NR3C2: variants seen among roughly 807,000 people sequenced by gnomAD.
NR3C2 encodes the protein nuclear receptor subfamily 3 group C member 2.
In NR3C2, 15 loss-of-function variants were observed where a neutral mutation model predicts 86.4. That is an observed-to-expected ratio of 0.17 (90% CI 0.12 to 0.27). NR3C2 has a LOEUF of 0.27. Among genes scored for constraint, NR3C2 ranks in the 10% least tolerant of loss-of-function variants. The pLI, the probability that NR3C2 is intolerant of heterozygous loss-of-function variation, is 1.00. For synonymous variants in NR3C2, 458 were observed against 450.5 expected, an observed-to-expected ratio of 1.02 and a Z score of -0.21; for missense variants, 960 against 1,195.6, an observed-to-expected ratio of 0.80 and a Z score of 2.91.
At chr4:148,218,030 G>T (rs1036766339) in intron 3 of NR3C2, among the ~76,000 whole-genome samples, 1 of 152,130 alleles carries the variant, frequency 6.6e-6, no homozygotes, top group African/African-American at 2.4e-5. Flanking sequence ...TAGTTTTGTT[G>T]TCTTGTTTTA....
intron 2 of NR3C2, among the ~76,000 whole-genome samples, chr4:148,395,741 C>T (rs1007853932): frequency 3.9e-5 from 6 of 152,134 alleles, no homozygotes; most frequent in Non-Finnish European, 8.8e-5. Context: ...GACAAGATAA[C>T]AGCCCCAAAG....
At chr4:148,318,139 T>C (rs1399441090) in intron 2 of NR3C2, among the ~76,000 whole-genome samples, 2 of 151,420 alleles carry the variant, frequency 1.3e-5, no homozygotes, top group Non-Finnish European at 2.9e-5. Flanking sequence ...GGTTTTTTGT[T>C]CTTGCCATAG....
intron 3 of NR3C2, among the ~76,000 whole-genome samples, chr4:148,247,624 T>G (rs1357627770): frequency 6.6e-6 from 1 of 151,170 alleles, no homozygotes; most frequent in Non-Finnish European, 1.5e-5. Flanking sequence ...GAATCTAGTA[T>G]CCGTGGGCCT....
At chr4:148,214,164 T>C (rs1210209646) in intron 3 of NR3C2, among the ~76,000 whole-genome samples, 1 of 152,210 alleles carries the variant, frequency 6.6e-6, no homozygotes, top group East Asian at 1.9e-4. Context: ...TGTAAAAGTA[T>C]AGTCTACCTA....
chr4:148,146,243 G>C (rs533500249), intron 6 of NR3C2, among the ~76,000 whole-genome samples: 3 of 152,244 alleles, frequency 2.0e-5, no homozygotes, highest in African/African-American at 4.8e-5. Flanking sequence ...TCCAGGCACA[G>C]AAGTCACCTC....
chr4:148,338,850 C>T (rs1744617472), intron 2 of NR3C2, among the ~76,000 whole-genome samples: 1 of 152,102 alleles, frequency 6.6e-6, no homozygotes, highest in African/African-American at 2.4e-5. Flanking sequence ...AGGGGCCAAA[C>T]AAAACACATC....
At chr4:148,153,251 T>C (rs1255172104) in intron 5 of NR3C2, among the ~76,000 whole-genome samples, 2 of 152,170 alleles carry the variant, frequency 1.3e-5, no homozygotes, top group South Asian at 2.1e-4. Flanking sequence ...AGTGACATGA[T>C]ATTGGCTCAC....
chr4:148,427,971 C>CAA (rs887167131), intron 2 of NR3C2, among the ~76,000 whole-genome samples: 2 of 152,130 alleles, frequency 1.3e-5, no homozygotes, highest in African/African-American at 4.8e-5. Context: ...TCTGAATAAA[C>CAA]AAAGTCTGAT....
chr4:148,193,432 C>T lies in NR3C2; in HGVS notation c.2014+1314G>A, dbSNP rs558222593. 5.8e-4 allele frequency among the ~76,000 whole-genome samples: 88 copies of T among 152,314 alleles called. 1 individual carries two copies. Among genetic ancestry groups the T allele is most frequent in the African/African-American group, 1.6e-3 (66 of 41,566 alleles). On this transcript the variant is annotated intron_variant, in intron 4 of 8. Transcript: ENST00000358102. Reference sequence around the variant, plus strand: ...TTGCAGTGGATCTGGAGCTAAAATTCACAATGCAAGCCTCCGCATGCTGCT... The same window carrying T: ...TTGCAGTGGATCTGGAGCTAAAATTTACAATGCAAGCCTCCGCATGCTGCT...
chr4:148,115,639 AC>A (rs1201773329), intron 7 of NR3C2, among the ~76,000 whole-genome samples: 3 of 152,122 alleles, frequency 2.0e-5, no homozygotes, highest in African/African-American at 7.2e-5. Context: ...TTCCACATAA[AC>A]CCTGTTACCC....
intron 8 of NR3C2, among the ~76,000 whole-genome samples, chr4:148,085,183 T>G (rs1430026711): frequency 1.3e-5 from 2 of 152,146 alleles, no homozygotes; most frequent in Non-Finnish European, 2.9e-5. Flanking sequence ...CCACCCCAAA[T>G]CAACAGAACA....
At chr4:148,214,809 G>C (rs749052759) in intron 3 of NR3C2, among the ~76,000 whole-genome samples, 1 of 152,182 alleles carries the variant, frequency 6.6e-6, no homozygotes, top group East Asian at 1.9e-4. Context: ...GCTGGACGTC[G>C]AGAGTTTATA....
At chr4:148,321,074 T>G (rs939633362) in intron 2 of NR3C2, among the ~76,000 whole-genome samples, 1 of 151,470 alleles carries the variant, frequency 6.6e-6, no homozygotes, top group East Asian at 2.0e-4. Flanking sequence ...TCTGGTATGT[T>G]GTGTCTTTGT....
intron 8 of NR3C2, among the ~76,000 whole-genome samples, chr4:148,111,466 C>T (rs1261965353): frequency 1.3e-5 from 2 of 152,200 alleles, no homozygotes; most frequent in Admixed American, 1.3e-4. Flanking sequence ...AGGTATTCTA[C>T]TACAAGGCAT....
intron 1 of NR3C2, among the ~76,000 whole-genome samples, chr4:148,440,166 T>C (rs1750266345): frequency 1.3e-5 from 2 of 152,358 alleles, no homozygotes; most frequent in South Asian, 4.1e-4. Flanking sequence ...ACATCTAGCA[T>C]CTGCACGGCT....
At chr4:148,338,064 T>C (rs1404150549) in intron 2 of NR3C2, among the ~76,000 whole-genome samples, 1 of 152,200 alleles carries the variant, frequency 6.6e-6, no homozygotes, top group Non-Finnish European at 1.5e-5. Flanking sequence ...GTCTCATTAA[T>C]GTACTATGTG....
intron 3 of NR3C2, among the ~76,000 whole-genome samples, chr4:148,202,250 C>T (rs945594819): frequency 1.3e-5 from 2 of 152,216 alleles, no homozygotes; most frequent in African/African-American, 2.4e-5. Context: ...CCTCCAGTGG[C>T]GAACACCTCT....
At chr4:148,124,764 T>C (rs1732669895) in intron 6 of NR3C2, among the ~76,000 whole-genome samples, 2 of 152,198 alleles carry the variant, frequency 1.3e-5, no homozygotes, top group Non-Finnish European at 2.9e-5. Flanking sequence ...AGCCTCTCTT[T>C]CATATCTTCT....
chr4:148,210,273 C>T (rs1039790846), intron 3 of NR3C2, among the ~76,000 whole-genome samples: 5 of 152,118 alleles, frequency 3.3e-5, no homozygotes, highest in African/African-American at 1.2e-4. Flanking sequence ...TCACTGTAAC[C>T]TCCACCTCCC....
Sources: gnomAD v4.1 joint callset for allele counts (sites outside exome capture counted in the v4.1 genomes callset) on GRCh38, gnomAD v4.1.1 for gene constraint, MANE v1.5 for transcripts, NCBI Gene and HGNC (gene_info 2026-07-23, HGNC 2026-07-21) for gene names.